ABI3BP: variants seen among roughly 807,000 people sequenced by gnomAD.
ABI3BP encodes ABI family member 3 binding protein, also known as target of Nesh-SH3.
A neutral mutation model predicts 268.6 loss-of-function variants in ABI3BP; 216 were observed. That is an observed-to-expected ratio of 0.80 (90% confidence interval 0.72 to 0.90). ABI3BP has a LOEUF of 0.90. Ranked by LOEUF, ABI3BP falls within the 40% of genes least tolerant of loss-of-function variation. The pLI is 0.00. For missense variants in ABI3BP, 2,090 were observed against 2,182.4 expected (o/e 0.96, Z 0.84); for synonymous variants, 730 against 730.0 (o/e 1.00, Z 0.00).
In ABI3BP at chr3:100,820,304, C is replaced by A. The variant is rs771826643; in HGVS notation, c.2948-1G>T. 4 of 1,535,466 alleles carry A rather than the reference C, an allele frequency of 2.6e-6. No individual in the cohort carries two copies. The South Asian group carries it at 4.8e-5, about 18-fold the overall frequency. On this transcript the variant is annotated splice_acceptor_variant, in intron 39 of 67. Transcript: ENST00000471714. LOFTEE classifies it high-confidence loss of function. ...CGAGTTCGTTGTGATGTTTTAGGAG[C>A]TGAAGAAAGAAAACCTTTAGTTACT...
chr3:100,821,065 A>G lies in ABI3BP; in HGVS notation c.2936T>C (p.Val979Ala), dbSNP rs757655314. The change falls in exon 39 of 68, where the codon GTG (valine) becomes GCG (alanine). Residue 979 changes from valine to alanine, a missense_variant. Val to Ala is a moderately conservative substitution (Grantham distance 64). Coordinates refer to ENST00000471714, the MANE Select transcript of ABI3BP (RefSeq NM_001375547.2). ...CAACGTGCTATTACCTTGTGTTGTCACCCAAGTCTCAGTTCTGAGTGTAAC... is the reference window on the plus strand; with the variant it reads ...CAACGTGCTATTACCTTGTGTTGTCGCCCAAGTCTCAGTTCTGAGTGTAAC... The part of the protein sequence containing the change: ...KPVTLRTETW[V>A]TTQAPKTSQR... 2.0e-6 allele frequency: 3 copies of G among 1,535,912 alleles called. No homozygotes were observed. The highest frequency in any genetic ancestry group is 2.6e-6 in the Non-Finnish European group (3 of 1,146,728).
intron 14 of ABI3BP, among the ~76,000 whole-genome samples, chr3:100,858,020 G>C (rs140008632): frequency 3.8e-4 from 58 of 152,330 alleles, no homozygotes; most frequent in African/African-American, 1.3e-3. Flanking sequence ...TGAGATTATA[G>C]TTAACTAGCT....
intron 63 of ABI3BP, among the ~76,000 whole-genome samples, chr3:100,765,483 G>A (rs866037765): frequency 3.3e-5 from 5 of 152,100 alleles, no homozygotes; most frequent in Non-Finnish European, 7.4e-5. Flanking sequence ...CTCCTTTCCA[G>A]CGTTTTAATT....
rs2098018420 is a variant in ABI3BP at position 100,815,767 on chromosome 3, T to C, written c.3289+145A>G. Reference sequence around the variant, plus strand: ...CGAAAAACAACAGGTAACACTTGAATTAAAACTGCTGACTATTTTAAAATG... The same window carrying C: ...CGAAAAACAACAGGTAACACTTGAACTAAAACTGCTGACTATTTTAAAATG... On this transcript the variant is annotated intron_variant, in intron 44 of 67. Transcript: ENST00000471714. 1.2e-5 allele frequency: 7 copies of C among 574,574 alleles called. No homozygotes were observed. In the South Asian group the frequency reaches 2.0e-4, roughly 16 times the overall value. The allele number at this position is 574,574 out of a possible 1,614,324, so 35.6% of individuals were successfully genotyped here.
chr3:100,929,157 C>A (rs576397182), intron 1 of ABI3BP, among the ~76,000 whole-genome samples: 5 of 152,156 alleles, frequency 3.3e-5, no homozygotes, highest in African/African-American at 1.2e-4. Context: ...GAGCATTTAA[C>A]AAATCTTAGT....
At chr3:100,928,817 C>G (rs995270990) in intron 1 of ABI3BP, among the ~76,000 whole-genome samples, 1 of 152,058 alleles carries the variant, frequency 6.6e-6, no homozygotes, top group African/African-American at 2.4e-5. Flanking sequence ...CTGCACTGCT[C>G]TCTTTTCACT....
intron 50 of ABI3BP, among the ~76,000 whole-genome samples, chr3:100,807,084 G>T (rs1339469108): frequency 6.6e-6 from 1 of 151,544 alleles, no homozygotes; most frequent in African/African-American, 2.4e-5. Context: ...AGTTTTCATG[G>T]TTTCTTCTCC....
intron 14 of ABI3BP, among the ~76,000 whole-genome samples, chr3:100,852,287 G>T (rs975010040): frequency 2.6e-5 from 4 of 152,166 alleles, no homozygotes; most frequent in African/African-American, 9.7e-5. Flanking sequence ...GGCAGTTTGG[G>T]GAGAGATTTT....
chr3:100,835,032 G>T (rs1313464784), intron 28 of ABI3BP, among the ~76,000 whole-genome samples: 1 of 152,134 alleles, frequency 6.6e-6, no homozygotes, highest in African/African-American at 2.4e-5. Flanking sequence ...GATTTTCAAA[G>T]AGGGCCCAGA....
At chr3:100,788,001 T>TTCAGGTGA (rs2097100907) in intron 56 of ABI3BP, among the ~76,000 whole-genome samples, 199 bp from the exon 57 acceptor site, 1 of 152,150 alleles carries the variant, frequency 6.6e-6, no homozygotes, top group Non-Finnish European at 1.5e-5. Flanking sequence ...TGAATTTGTA[T>TTCAGGTGA]TCTGAGGTGA....
At chr3:100,778,408 A>T in intron 58 of ABI3BP, 32 bp from the exon 59 acceptor site, 2 of 1,567,078 alleles carry the variant, frequency 1.3e-6, no homozygotes, top group Non-Finnish European at 1.7e-6. Flanking sequence ...TGTATTTTAG[A>T]TAAAGCCATC....
chr3:100,837,497 T>C (rs994440737), intron 26 of ABI3BP, among the ~76,000 whole-genome samples: 2 of 152,210 alleles, frequency 1.3e-5, no homozygotes, highest in African/African-American at 2.4e-5. Flanking sequence ...CTCATGCCTA[T>C]AATCCCAGCA....
At position 100,789,615 on chromosome 3, in the gene ABI3BP, T is replaced by C. The variant is rs367784679; in HGVS notation, c.4025-99A>G. On this transcript the variant is annotated intron_variant, in intron 55 of 67. Transcript: ENST00000471714. ...GGACCAACAACTCATACACTTTGCA[T>C]GGACGTATAAAGAAGGTTCAGAAAA... 73 of 1,155,634 alleles carry C rather than the reference T, an allele frequency of 6.3e-5. 1 individual carries two copies. Among genetic ancestry groups the C allele is most frequent in the East Asian group, 4.4e-4 (17 of 38,550 alleles). The allele number at this position is 1,155,634 out of a possible 1,614,324, so 71.6% of individuals were successfully genotyped here.
intron 21 of ABI3BP, among the ~76,000 whole-genome samples, chr3:100,841,440 G>C (rs1457256520): frequency 6.6e-6 from 1 of 151,852 alleles, no homozygotes; most frequent in Non-Finnish European, 1.5e-5. Flanking sequence ...CAAGCTCAGG[G>C]CATATTCCTC....
rs559385763 is a variant in ABI3BP, at chr3:100,946,020, G to T, written c.80-19539C>A. On this transcript the variant is annotated intron_variant, in intron 1 of 67. Transcript: ENST00000471714. ...GTTTTATCAATGTCACTAAATATAC[G>T]TTAGATAATAAAATTAATTATTTTA... Among the ~76,000 whole-genome samples the T allele has an allele frequency of 3.3e-5, 5 of 152,122 alleles. No individual in the cohort carries two copies. In the South Asian group the frequency reaches 1.0e-3, roughly 32 times the overall value.
intron 63 of ABI3BP, among the ~76,000 whole-genome samples, chr3:100,764,472 G>A (rs1370563067): frequency 6.6e-6 from 1 of 152,192 alleles, no homozygotes; most frequent in Non-Finnish European, 1.5e-5. Flanking sequence ...GGTTTAAAAT[G>A]ATACTGAAAT....
At chr3:100,882,088 T>C (rs1000668669) in intron 6 of ABI3BP, among the ~76,000 whole-genome samples, 3 of 152,218 alleles carry the variant, frequency 2.0e-5, no homozygotes, top group African/African-American at 7.2e-5. Flanking sequence ...ATACCTCTTA[T>C]TGGAAGGTGT....
In ABI3BP at chr3:100,851,943, TAAA is replaced by T. The variant is rs60146880; in HGVS notation, c.1286-6_1286-4del. On this transcript the variant is annotated splice_polypyrimidine_tract_variant and splice_region_variant and intron_variant, in intron 14 of 67. Coordinates refer to ENST00000471714, the MANE Select transcript of ABI3BP (RefSeq NM_001375547.2). Reference sequence around the variant, plus strand: ...GCTTGAGAAAACATCATAAGTTGCTTAAAAAAAAAAAAAAGGCAAAACAAGAGA... The same window carrying T: ...GCTTGAGAAAACATCATAAGTTGCTTAAAAAAAAAAAGGCAAAACAAGAGA... The T allele has an allele frequency of 7.8e-5, 108 of 1,390,288 alleles. No individual in the cohort carries two copies. Among genetic ancestry groups the T allele is most frequent in the Non-Finnish European group, 8.0e-5 (83 of 1,041,144 alleles). 86.1% of individuals were successfully genotyped at this position (1,390,288 alleles called of 1,614,324 possible). A position where few individuals can be genotyped will look rare whatever the true frequency, so the allele number is the denominator to read the frequency against.
intron 6 of ABI3BP, among the ~76,000 whole-genome samples, chr3:100,877,600 T>TA (rs2099173864): frequency 6.6e-6 from 1 of 152,032 alleles, no homozygotes; most frequent in African/African-American, 2.4e-5. Context: ...TTGCCAGACA[T>TA]AATCATGAGG....
Sources: allele counts gnomAD v4.1 joint callset (sites outside exome capture counted in the v4.1 genomes callset), GRCh38; gene constraint gnomAD v4.1.1; transcripts MANE v1.5; gene names NCBI Gene and HGNC (gene_info 2026-07-23, HGNC 2026-07-21).